PATE2: variants seen among roughly 807,000 people sequenced by gnomAD.
PATE2 encodes the protein prostate and testis expressed protein 2.
PATE2 carries 7 observed loss-of-function variants against 10.5 expected under a neutral mutation model. The ratio of observed to expected loss-of-function variants is 0.66; its 90% confidence interval spans 0.38 to 1.25. The LOEUF (loss-of-function observed/expected upper bound fraction) is 1.25, where lower values mean the gene tolerates loss of function less well. PATE2 is among the 50% of genes most tolerant of loss of function. The probability of loss-of-function intolerance (pLI) is 0.02; values close to 1 mark genes in which losing one functional copy is unlikely to be tolerated. For missense variants in PATE2, 133 were observed against 135.4 expected (o/e 0.98, Z 0.09); for synonymous variants, 44 against 46.9 (o/e 0.94, Z 0.25).
Position 125,777,020 on chromosome 11 carries a change from A to G in PATE2, c.*362T>C. On this transcript the variant is annotated 3_prime_UTR_variant, in exon 4 of 4. Coordinates refer to ENST00000358524, the MANE Select transcript of PATE2 (RefSeq NM_212555.3). ...GAGGAGTGTGTGTGTAGATGAGGAT[A>G]GAGGATAGTCACAGAATTCTCAGTA... 1.8e-5 allele frequency: 3 copies of G among 169,152 alleles called. No individual in the cohort carries two copies. The highest frequency in any genetic ancestry group is 2.4e-5 in the African/African-American group (1 of 41,612). 10.5% of individuals were successfully genotyped at this position (169,152 alleles called of 1,614,324 possible). A position where few individuals can be genotyped will look rare whatever the true frequency, so the allele number is the denominator to read the frequency against.
intron 2 of PATE2, 89 bp downstream of exon 2, chr11:125,778,463 G>A: frequency 1.5e-6 from 2 of 1,365,832 alleles, no homozygotes; most frequent in Non-Finnish European, 2.1e-6. Flanking sequence ...ATGGATTACA[G>A]GCCTCTCTGA....
intron 3 of PATE2, 146 bp downstream of exon 3, chr11:125,777,728 T>A: frequency 8.5e-7 from 1 of 1,181,616 alleles, no homozygotes; most frequent in Non-Finnish European, 1.2e-6. Context: ...AATATGGTCT[T>A]AGGGAAAAGT....
At position 125,776,531 on chromosome 11, in the gene PATE2, A is replaced by G. The variant is rs1225899213; in HGVS notation, c.*851T>C. On this transcript the variant is annotated 3_prime_UTR_variant, in exon 4 of 4. Transcript: ENST00000358524. Reference sequence around the variant, plus strand: ...ACACAGGGCACTCTGTTACTTGAACACTACCTCATGGTATCTATTTACATC... The same window carrying G: ...ACACAGGGCACTCTGTTACTTGAACGCTACCTCATGGTATCTATTTACATC... 6.6e-6 allele frequency: 1 copy of G among 152,180 alleles called. No individual in the cohort carries two copies. Among genetic ancestry groups the G allele is most frequent in the Admixed American group, 6.5e-5 (1 of 15,282 alleles). The allele number at this position is 152,180 out of a possible 1,614,324, so 9.4% of individuals were successfully genotyped here.
At position 125,776,232 on chromosome 11, in the gene PATE2, TGCAGGTTTGTTACATAGGTATAC is replaced by T. The variant is rs1943482436; in HGVS notation, c.*1127_*1149del. On this transcript the variant is annotated 3_prime_UTR_variant, in exon 4 of 4. Transcript: ENST00000358524. ...GGGATACATGAAAGAAAGTGCAGCA[TGCAGGTTTGTTACATAGGTATAC>T]ATGTGCCATGGTGGTTTGCTGCACC... The T allele has an allele frequency of 6.6e-6, 1 of 152,182 alleles. No homozygotes were observed. The allele number at this position is 152,182 out of a possible 1,614,324, so 9.4% of individuals were successfully genotyped here.
intron 2 of PATE2, 117 bp from the exon 3 acceptor site, chr11:125,778,119 A>G (rs764737089): frequency 8.4e-5 from 93 of 1,107,476 alleles, no homozygotes; most frequent in Non-Finnish European, 1.1e-4. Context: ...TTTTTGGACC[A>G]TGGACTCTTG....
rs1417031384 is a variant in PATE2, at chr11:125,777,178, G to A, written c.*204C>T. On this transcript the variant is annotated 3_prime_UTR_variant, in exon 4 of 4. Transcript: ENST00000358524. Reference sequence around the variant, plus strand: ...CCTCCCACCTGTTAGCGACAGGGATGTGCAAAGAGTGAGTCTAGTGCTCCA... The same window carrying A: ...CCTCCCACCTGTTAGCGACAGGGATATGCAAAGAGTGAGTCTAGTGCTCCA... The A allele has an allele frequency of 5.6e-6, 3 of 537,278 alleles. No homozygotes were observed. The highest frequency in any genetic ancestry group is 6.3e-5 in the South Asian group (2 of 31,810). The allele number at this position is 537,278 out of a possible 1,614,324, so 33.3% of individuals were successfully genotyped here.
chr11:125,777,681 C>G (rs1177711494), intron 3 of PATE2, among the ~76,000 whole-genome samples, 163 bp from the exon 4 acceptor site: 1 of 152,076 alleles, frequency 6.6e-6, no homozygotes, highest in African/African-American at 2.4e-5. Context: ...AGATTTTATT[C>G]CCTGCCAGGT....
rs1286573021 is a variant in PATE2, at chr11:125,778,038, G to A, written c.77-36C>T. 3 of 1,605,354 alleles carry A rather than the reference G, an allele frequency of 1.9e-6. No individual in the cohort carries two copies. In the African/African-American group the frequency reaches 4.0e-5, roughly 21 times the overall value. On this transcript the variant is annotated intron_variant, in intron 2 of 3. Transcript: ENST00000358524. ...CAAAAAGAGGTGCTTAGAGGATGCA[G>A]TCTTGAGAATATTCTCTGGGGCTGG...
chr11:125,778,700 C>T, intron 1 of PATE2, 22 bp downstream of exon 1: 1 of 1,613,524 alleles, frequency 6.2e-7, no homozygotes, highest in Non-Finnish European at 8.5e-7. Flanking sequence ...CCACCAGCTT[C>T]CCCTCTGTCT....
In PATE2 at chr11:125,777,955, AT is replaced by A; in HGVS notation, c.123del (p.Leu41PhefsTer6). 6.2e-7 allele frequency: 1 copy of A among 1,613,202 alleles called. No individual in the cohort carries two copies. Among genetic ancestry groups the A allele is most frequent in the Non-Finnish European group, 8.5e-7 (1 of 1,179,314 alleles). On this transcript the variant is annotated frameshift_variant, in exon 3 of 4. Transcript: ENST00000358524. LOFTEE classifies it high-confidence loss of function. ...GAGCAGGATGTCATGACACCATAGC[AT>A]AACCCAAGATGATATTTTTTACATT... ...CYECKKYHLG[L>X]CYGVMTSCSL...
rs979553549 is a variant in PATE2 at position 125,776,946 on chromosome 11, G to C, written c.*436C>G. ...CTCTCCAGAACCCACGGGCAGAAAAGGACAGTGCCAGAAAGTGTCAGGGCT... is the reference window on the plus strand; with the variant it reads ...CTCTCCAGAACCCACGGGCAGAAAACGACAGTGCCAGAAAGTGTCAGGGCT... On this transcript the variant is annotated 3_prime_UTR_variant, in exon 4 of 4. Coordinates refer to ENST00000358524, the MANE Select transcript of PATE2 (RefSeq NM_212555.3). The C allele has an allele frequency of 5.1e-5, 8 of 157,030 alleles. No homozygotes were observed. The highest frequency in any genetic ancestry group is 3.7e-4 in the Admixed American group (6 of 16,176). 9.7% of individuals were successfully genotyped at this position (157,030 alleles called of 1,614,324 possible). A position where few individuals can be genotyped will look rare whatever the true frequency, so the allele number is the denominator to read the frequency against.
intron 3 of PATE2, 28 bp downstream of exon 3, chr11:125,777,846 T>A: frequency 6.2e-7 from 1 of 1,609,774 alleles, no homozygotes; most frequent in Non-Finnish European, 8.5e-7. Context: ...TGGTGGTGAT[T>A]TTCCAGTCAC....
intron 2 of PATE2, 81 bp from the exon 3 acceptor site, chr11:125,778,083 T>G: frequency 6.8e-7 from 1 of 1,465,770 alleles, no homozygotes; most frequent in African/African-American, 1.4e-5. Flanking sequence ...TACAGGACCT[T>G]ATTCTTGCCT....
In PATE2 at chr11:125,778,565, A is replaced by T; in HGVS notation, c.63T>A (p.His21Gln). The T allele has an allele frequency of 6.2e-7, 1 of 1,613,646 alleles. No homozygotes were observed. The highest frequency in any genetic ancestry group is 8.5e-7 in the Non-Finnish European group (1 of 1,179,676). Residue 21 changes from histidine (H) to glutamine (Q), a missense_variant, in exon 2 of 4, where the codon CAT becomes CAA. Physicochemically the swap from His to Gln is conservative, Grantham distance 24. Coordinates refer to ENST00000358524, the MANE Select transcript of PATE2 (RefSeq NM_212555.3). ...CCATGATTGTACCTTTTATAGGGTC[A>T]TGAAGTTCACCTGTGAAAAGAAGAA... ...FLLCPYWGELHDPIKATEIMC... is the reference protein window; with the variant it reads ...FLLCPYWGELQDPIKATEIMC...
chr11:125,776,576 C>T lies in PATE2; in HGVS notation c.*806G>A, dbSNP rs1214302542. On this transcript the variant is annotated 3_prime_UTR_variant, in exon 4 of 4. Transcript: ENST00000358524. Reference sequence around the variant, plus strand: ...TACATCCTATTATCTTCAACTACTACACCACCTGCCACATTATCAGCATTT... The same window carrying T: ...TACATCCTATTATCTTCAACTACTATACCACCTGCCACATTATCAGCATTT... 6.6e-6 allele frequency: 1 copy of T among 152,208 alleles called. No individual in the cohort carries two copies. Among genetic ancestry groups the T allele is most frequent in the East Asian group, 1.9e-4 (1 of 5,202 alleles). The allele number at this position is 152,208 out of a possible 1,614,324, so 9.4% of individuals were successfully genotyped here. A position where few individuals can be genotyped will look rare whatever the true frequency, so the allele number is the denominator to read the frequency against.
rs907718262 is a variant in PATE2, at chr11:125,776,142, G to T, written c.*1240C>A. ...CTATCTGTATATCTTTTTCTATTCA[G>T]ATTTTTTGGCCAATTTTTCTGGCCT... On this transcript the variant is annotated 3_prime_UTR_variant, in exon 4 of 4. Coordinates refer to ENST00000358524, the MANE Select transcript of PATE2 (RefSeq NM_212555.3). 5 of 151,856 alleles carry T rather than the reference G, an allele frequency of 3.3e-5. No homozygotes were observed. In the East Asian group the frequency reaches 7.7e-4, roughly 23 times the overall value. 9.4% of individuals were successfully genotyped at this position (151,856 alleles called of 1,614,324 possible). A position where few individuals can be genotyped will look rare whatever the true frequency, so the allele number is the denominator to read the frequency against.
Position 125,777,538 on chromosome 11 carries a change from G to A in PATE2, c.206-20C>T, listed in dbSNP as rs773951893. Reference sequence around the variant, plus strand: ...TCTGCCCTGAGGAGGTAAAAGAGAGGAAATATGATCATAATGACCTCATTT... The same window carrying A: ...TCTGCCCTGAGGAGGTAAAAGAGAGAAAATATGATCATAATGACCTCATTT... On this transcript the variant is annotated intron_variant, in intron 3 of 3. Transcript: ENST00000358524. 81 of 1,612,912 alleles carry A rather than the reference G, an allele frequency of 5.0e-5. 1 individual carries two copies. The South Asian group carries it at 8.2e-4, about 16-fold the overall frequency.
chr11:125,778,073 T>G, intron 2 of PATE2, 71 bp from the exon 3 acceptor site: 1 of 1,526,186 alleles, frequency 6.6e-7, no homozygotes, highest in Admixed American at 1.8e-5. Flanking sequence ...GGGGCTTCAC[T>G]ACAGGACCTT....
Position 125,776,992 on chromosome 11 carries a change from G to A in PATE2, c.*390C>T, listed in dbSNP as rs543017653. 174 of 165,400 alleles carry A rather than the reference G, an allele frequency of 1.1e-3. 1 individual carries two copies. Among genetic ancestry groups the A allele is most frequent in the African/African-American group, 3.7e-3 (155 of 42,012 alleles). The allele number at this position is 165,400 out of a possible 1,614,324, so 10.2% of individuals were successfully genotyped here. Reference sequence around the variant, plus strand: ...GGGCTAATCCAAAGAGAATTCCAACGGAGAGGAGTGTGTGTGTAGATGAGG... The same window carrying A: ...GGGCTAATCCAAAGAGAATTCCAACAGAGAGGAGTGTGTGTGTAGATGAGG... On this transcript the variant is annotated 3_prime_UTR_variant, in exon 4 of 4. Transcript: ENST00000358524.
Sources: gnomAD v4.1 joint callset for allele counts (sites outside exome capture counted in the v4.1 genomes callset) on GRCh38, gnomAD v4.1.1 for gene constraint, MANE v1.5 for transcripts, NCBI Gene and HGNC (gene_info 2026-07-23, HGNC 2026-07-21) for gene names.